Variants in OMA1 observed in about 807,000 individuals in gnomAD.
OMA1 encodes the protein metalloendopeptidase OMA1, mitochondrial.
Under a neutral mutation model 30.9 loss-of-function variants are expected in OMA1, and 38 were observed. The observed-to-expected ratio is 1.23, with a 90% confidence interval of 0.95 to 1.61. OMA1 has a LOEUF of 1.61. Ranked by LOEUF, OMA1 falls within the 40% of genes most tolerant of loss-of-function variation. The pLI, the probability that OMA1 is intolerant of heterozygous loss-of-function variation, is 0.00. For missense variants in OMA1, 461 were observed against 349.2 expected (o/e 1.32, Z -2.55); for synonymous variants, 173 against 121.9 (o/e 1.42, Z -2.76).
At chr1:58,545,509 GAA>G (rs36121307) in intron 1 of OMA1, among the ~76,000 whole-genome samples, 20 of 150,762 alleles carry the variant, frequency 1.3e-4, no homozygotes, top group African/African-American at 4.7e-4. Context: ...GAGCACATAA[GAA>G]AAAAAAAAAT....
chr1:58,517,434 T>A (rs540762187), intron 7 of OMA1, among the ~76,000 whole-genome samples: 1 of 152,218 alleles, frequency 6.6e-6, no homozygotes, highest in Non-Finnish European at 1.5e-5. Context: ...AACATCTTCA[T>A]CAGGATAATT....
intron 7 of OMA1, among the ~76,000 whole-genome samples, chr1:58,506,593 C>A (rs1395569710): frequency 6.6e-6 from 1 of 152,100 alleles, no homozygotes; most frequent in Non-Finnish European, 1.5e-5. Flanking sequence ...CCCTGCTAAC[C>A]AAAGATAGCC....
intron 2 of OMA1, among the ~76,000 whole-genome samples, chr1:58,537,598 C>G (rs1646537549): frequency 1.3e-5 from 2 of 152,166 alleles, no homozygotes; most frequent in Non-Finnish European, 2.9e-5. Context: ...GTTTTCAATA[C>G]TGGGACAAAA....
intron 3 of OMA1, among the ~76,000 whole-genome samples, chr1:58,534,574 C>A (rs923527717): frequency 1.3e-5 from 2 of 152,176 alleles, no homozygotes; most frequent in African/African-American, 2.4e-5. Context: ...ATCAAAATTT[C>A]ATTCTTTTCG....
intron 7 of OMA1, among the ~76,000 whole-genome samples, chr1:58,524,696 T>C (rs1467247293): frequency 1.3e-5 from 2 of 152,204 alleles, no homozygotes; most frequent in African/African-American, 4.8e-5. Flanking sequence ...ATCTACAGTA[T>C]ATATCAAGCA....
intron 7 of OMA1, among the ~76,000 whole-genome samples, chr1:58,523,262 G>A (rs1241585641): frequency 6.6e-6 from 1 of 151,936 alleles, no homozygotes; most frequent in Non-Finnish European, 1.5e-5. Context: ...TCATTTCCTT[G>A]ACTGGCTCTG....
intron 8 of OMA1, among the ~76,000 whole-genome samples, chr1:58,494,038 CAA>C (rs1410443862): frequency 6.6e-6 from 1 of 151,932 alleles, no homozygotes. Flanking sequence ...CTACAGTAAC[CAA>C]AACAGCATGG....
chr1:58,536,466 G>A, intron 3 of OMA1, 47 bp downstream of exon 3: 2 of 774,540 alleles, frequency 2.6e-6, no homozygotes, highest in Non-Finnish European at 2.3e-6. Context: ...TTCCTACTTT[G>A]AGTGTTATAT....
intron 7 of OMA1, among the ~76,000 whole-genome samples, chr1:58,522,735 A>G (rs918525337): frequency 6.6e-6 from 1 of 152,222 alleles, no homozygotes; most frequent in African/African-American, 2.4e-5. Context: ...TTTGTATGTT[A>G]TATGTATTAT....
intron 8 of OMA1, among the ~76,000 whole-genome samples, chr1:58,485,078 AATTGT>A (rs1645551502): frequency 1.3e-5 from 2 of 151,978 alleles, no homozygotes; most frequent in Admixed American, 1.3e-4. Context: ...TAGGTTCATC[AATTGT>A]AACTAATATT....
chr1:58,540,209 T>C (rs1395714570), intron 1 of OMA1, among the ~76,000 whole-genome samples: 1 of 152,018 alleles, frequency 6.6e-6, no homozygotes, highest in East Asian at 1.9e-4. Flanking sequence ...AAAGCTGCTC[T>C]GGCCCCACCT....
At chr1:58,537,009 G>GT (rs971078970) in intron 2 of OMA1, among the ~76,000 whole-genome samples, 46 of 151,416 alleles carry the variant, frequency 3.0e-4, no homozygotes, top group African/African-American at 1.1e-3. Flanking sequence ...TGAGATGCTA[G>GT]TTTACTATAA....
chr1:58,481,637 T>C (rs565152832), intron 8 of OMA1, among the ~76,000 whole-genome samples: 3 of 152,332 alleles, frequency 2.0e-5, no homozygotes, highest in African/African-American at 7.2e-5. Context: ...AACCTAGTGA[T>C]ATGGTTTGCA....
intron 3 of OMA1, among the ~76,000 whole-genome samples, chr1:58,534,788 T>C (rs1457529448): frequency 1.3e-5 from 2 of 152,008 alleles, no homozygotes; most frequent in Admixed American, 6.6e-5. Flanking sequence ...CACAAAAAAT[T>C]AGCCAGGCGT....
intron 7 of OMA1, among the ~76,000 whole-genome samples, chr1:58,508,652 C>T (rs1450139899): frequency 1.3e-5 from 2 of 152,012 alleles, no homozygotes; most frequent in African/African-American, 2.4e-5. Flanking sequence ...TAAGAGCTGC[C>T]CTAGGAACTG....
intron 8 of OMA1, among the ~76,000 whole-genome samples, chr1:58,496,012 T>A (rs1049693369): frequency 3.3e-5 from 5 of 152,174 alleles, no homozygotes; most frequent in African/African-American, 1.2e-4. Flanking sequence ...TCTGGGAATC[T>A]CCTAAAAACC....
rs767152686 is a variant in OMA1, at chr1:58,480,942, T to A, written c.*23A>T. 13 of 850,462 alleles carry A rather than the reference T, an allele frequency of 1.5e-5. No homozygotes were observed. In the Admixed American group the frequency reaches 1.9e-4, roughly 13 times the overall value. The allele number at this position is 850,462 out of a possible 1,614,324, so 52.7% of individuals were successfully genotyped here. ...TAAGGACTGCAACATTCTTCATATA[T>A]CTTGTGTCTCATAAATTTTAATTCA... On this transcript the variant is annotated 3_prime_UTR_variant, in exon 9 of 9. Transcript: ENST00000371226.
At chr1:58,527,466 T>C in intron 6 of OMA1, 131 bp from the exon 7 acceptor site, 1 of 592,518 alleles carries the variant, frequency 1.7e-6, no homozygotes, top group Non-Finnish European at 3.0e-6. Context: ...CTACTAACAT[T>C]AAAATAACTC....
Position 58,506,046 on chromosome 1 carries a change from C to T in OMA1, c.1365+14G>A, listed in dbSNP as rs374178593. Reference sequence around the variant, plus strand: ...AGTAAAAATAATGTCCCGCCTTCTACGGTGTCAGCTCACCTGAGGTATAAG... The same window carrying T: ...AGTAAAAATAATGTCCCGCCTTCTATGGTGTCAGCTCACCTGAGGTATAAG... On this transcript the variant is annotated intron_variant, in intron 8 of 8. Transcript: ENST00000371226. The T allele has an allele frequency of 6.6e-5, 56 of 846,262 alleles. No individual in the cohort carries two copies. Among genetic ancestry groups the T allele is most frequent in the Middle Eastern group, 4.5e-4 (2 of 4,430 alleles). 52.4% of individuals were successfully genotyped at this position (846,262 alleles called of 1,614,324 possible). A position where few individuals can be genotyped will look rare whatever the true frequency, so the allele number is the denominator to read the frequency against.
Sources: gnomAD v4.1 joint callset for allele counts (sites outside exome capture counted in the v4.1 genomes callset) on GRCh38, gnomAD v4.1.1 for gene constraint, MANE v1.5 for transcripts, NCBI Gene and HGNC (gene_info 2026-07-23, HGNC 2026-07-21) for gene names.